The following RORA variants were observed in gnomAD, a reference collection of about 807,000 sequenced individuals.
RORA encodes RAR related orphan receptor A.
Under a neutral mutation model 69.5 loss-of-function variants are expected in RORA, and 7 were observed. That is an observed-to-expected ratio of 0.10 (90% CI 0.06 to 0.19). RORA has a LOEUF of 0.19. RORA is among the 10% of genes least tolerant of loss of function. The pLI is 1.00. For synonymous variants in RORA, 261 were observed against 240.8 expected (o/e 1.08, Z -0.78); for missense variants, 457 against 663.0 (o/e 0.69, Z 3.41).
intron 1 of RORA, chr15:60,686,691 G>A (rs1158080727): frequency 6.6e-6 from 1 of 152,192 alleles, no homozygotes; most frequent in Non-Finnish European, 1.5e-5. Context: ...TCTGCAATCT[G>A]TTAAATCTGT....
At chr15:60,525,713 C>T (rs1185344294) in intron 3 of RORA, among the ~76,000 whole-genome samples, 2 of 152,134 alleles carry the variant, frequency 1.3e-5, no homozygotes, top group African/African-American at 2.4e-5. Flanking sequence ...ATTTGGGGGA[C>T]TGCTGAAGTG....
intron 1 of RORA, among the ~76,000 whole-genome samples, chr15:61,094,056 C>T (rs1351013262): frequency 1.3e-5 from 2 of 152,160 alleles, no homozygotes; most frequent in Non-Finnish European, 2.9e-5. Context: ...AGGACTTAGG[C>T]ACAGGAGAGA....
At chr15:60,886,347 A>G (rs1251940513) in intron 1 of RORA, among the ~76,000 whole-genome samples, 3 of 152,154 alleles carry the variant, frequency 2.0e-5, no homozygotes, top group South Asian at 2.1e-4. Context: ...GCCCCTGGAT[A>G]TGTTTCCCAT....
intron 1 of RORA, among the ~76,000 whole-genome samples, chr15:61,040,351 C>G (rs1323074542): frequency 6.6e-5 from 10 of 151,290 alleles, no homozygotes; most frequent in Non-Finnish European, 1.5e-5. Context: ...GCAAAAAGAA[C>G]AGTTTGGAAG....
chr15:60,927,606 C>G (rs1031823875), intron 1 of RORA, among the ~76,000 whole-genome samples: 1 of 151,994 alleles, frequency 6.6e-6, no homozygotes, highest in Non-Finnish European at 1.5e-5. Flanking sequence ...AACCCCATCT[C>G]TACTAAAAAT....
At chr15:60,807,313 T>C (rs2072673645) in intron 1 of RORA, among the ~76,000 whole-genome samples, 3 of 152,036 alleles carry the variant, frequency 2.0e-5, no homozygotes, top group Admixed American at 1.3e-4. Flanking sequence ...ACTTTCACAA[T>C]AGCTGCAAAC....
At chr15:61,067,393 T>C (rs1195851382) in intron 1 of RORA, among the ~76,000 whole-genome samples, 2 of 152,142 alleles carry the variant, frequency 1.3e-5, no homozygotes, top group Non-Finnish European at 2.9e-5. Flanking sequence ...TGTGAACTAC[T>C]GTACCTGGCC....
chr15:60,955,131 G>A (rs546668349), intron 1 of RORA, among the ~76,000 whole-genome samples: 25 of 152,130 alleles, frequency 1.6e-4, no homozygotes, highest in African/African-American at 5.3e-4. Flanking sequence ...GTGAAACCTC[G>A]CCTCTACTAA....
rs2071463986 is a variant in RORA at position 60,733,930 on chromosome 15, G to GAGAA, written c.167-55245_167-55244insTTCT. On this transcript the variant is annotated intron_variant, in intron 1 of 10. Transcript: ENST00000335670. Reference sequence around the variant, plus strand: ...GAATAGGGGCAGAGAGAGAGAGAGAGAGAGAGAGAGAGAGAGAGAGAGAGA... The same window carrying GAGAA: ...GAATAGGGGCAGAGAGAGAGAGAGAGAGAAAGAGAGAGAGAGAGAGAGAGAGAGA... Among the ~76,000 whole-genome samples, 5 of 150,988 alleles carry GAGAA rather than the reference G, an allele frequency of 3.3e-5. No homozygotes were observed. The South Asian group carries it at 1.1e-3, about 32-fold the overall frequency.
At chr15:60,801,553 T>TA (rs2140358051) in intron 1 of RORA, among the ~76,000 whole-genome samples, 1 of 152,108 alleles carries the variant, frequency 6.6e-6, no homozygotes, top group South Asian at 2.1e-4. Context: ...GATGAAAAAA[T>TA]AAAAAACATA....
intron 1 of RORA, among the ~76,000 whole-genome samples, chr15:60,815,777 T>C (rs2072801427): frequency 6.6e-6 from 1 of 151,658 alleles, no homozygotes; most frequent in African/African-American, 2.4e-5. Context: ...CCTTGCACTC[T>C]GTTCCTCCAT....
chr15:61,212,717 T>C (rs1274787460), intron 1 of RORA, among the ~76,000 whole-genome samples: 1 of 152,190 alleles, frequency 6.6e-6, no homozygotes, highest in African/African-American at 2.4e-5. Flanking sequence ...ACACCTTATG[T>C]AGATGTAGGG....
intron 1 of RORA, among the ~76,000 whole-genome samples, chr15:60,712,527 T>C (rs1235981984): frequency 2.0e-5 from 3 of 152,176 alleles, no homozygotes; most frequent in Admixed American, 1.3e-4. Context: ...TTTTGGCTTA[T>C]CCTTTTGATA....
chr15:60,789,500 C>G (rs1317098372), intron 1 of RORA, among the ~76,000 whole-genome samples: 7 of 152,244 alleles, frequency 4.6e-5, no homozygotes. Flanking sequence ...TGCCAGAATT[C>G]CCAGCACTGG....
At chr15:61,209,915 T>C (rs927882624) in intron 1 of RORA, among the ~76,000 whole-genome samples, 5 of 152,244 alleles carry the variant, frequency 3.3e-5, no homozygotes, top group African/African-American at 7.2e-5. Context: ...CCAATGCTTT[T>C]GCCTTGGCAT....
chr15:60,908,875 T>C (rs1891620943), intron 1 of RORA, among the ~76,000 whole-genome samples: 1 of 151,786 alleles, frequency 6.6e-6, no homozygotes, highest in Non-Finnish European at 1.5e-5. Flanking sequence ...TTATTTCATT[T>C]CATTTTTTTT....
At chr15:60,763,065 A>ATTTTTTTTTTTTTTTTTTTTTTTTT (rs374433414) in intron 1 of RORA, among the ~76,000 whole-genome samples, 10 of 48,370 alleles carry the variant, frequency 2.1e-4, no homozygotes, top group Admixed American at 3.2e-4. Flanking sequence ...ATATGCACAG[A>ATTTTTTTTTTTTTTTTTTTTTTTTT]TTTTTTTTTT....
intron 2 of RORA, among the ~76,000 whole-genome samples, chr15:60,538,999 G>GCACACA (rs57764714): frequency 0.29 from 43,541 of 149,846 alleles, 7,486 homozygotes; most frequent in East Asian, 0.49. Context: ...CCTGCCAAAT[G>GCACACA]CACACACACA....
intron 2 of RORA, among the ~76,000 whole-genome samples, chr15:60,597,569 TATATAC>T (rs1404424323): frequency 3.0e-5 from 1 of 33,758 alleles, no homozygotes; most frequent in Non-Finnish European, 4.9e-5. Flanking sequence ...TATATATATA[TATATAC>T]ACATATATAT....
Sources: allele counts gnomAD v4.1 joint callset (sites outside exome capture counted in the v4.1 genomes callset), GRCh38; gene constraint gnomAD v4.1.1; transcripts MANE v1.5; gene names NCBI Gene and HGNC (gene_info 2026-07-23, HGNC 2026-07-21).